CALD1: variants seen among roughly 807,000 people sequenced by gnomAD.
The protein encoded by CALD1 is caldesmon 1.
CALD1 carries 33 observed loss-of-function variants against 99.9 expected under a neutral mutation model. That is an observed-to-expected ratio of 0.33 (90% CI 0.25 to 0.44). The LOEUF is 0.44. Among genes scored for constraint, CALD1 ranks in the 20% least tolerant of loss-of-function variants. The pLI is 1.00. For missense variants in CALD1, 861 were observed against 962.1 expected, an observed-to-expected ratio of 0.89 and a Z score of 1.39; for synonymous variants, 310 against 325.0, an observed-to-expected ratio of 0.95 and a Z score of 0.50.
chr7:134,906,789 T>C (rs1309458412), intron 3 of CALD1, among the ~76,000 whole-genome samples: 2 of 152,186 alleles, frequency 1.3e-5, no homozygotes, highest in African/African-American at 4.8e-5. Flanking sequence ...TAGGGCCTCC[T>C]ATAGTCTCCT....
At chr7:134,949,788 T>C (rs977799083) in intron 8 of CALD1, among the ~76,000 whole-genome samples, 1 of 152,072 alleles carries the variant, frequency 6.6e-6, no homozygotes, top group African/African-American at 2.4e-5. Flanking sequence ...GAAATCATCA[T>C]AATGAGTGTT....
intron 2 of CALD1, among the ~76,000 whole-genome samples, chr7:134,856,769 A>G (rs938681320): frequency 6.6e-6 from 1 of 152,244 alleles, no homozygotes; most frequent in African/African-American, 2.4e-5. Context: ...AAATCAGAAT[A>G]TAAAATAGAG....
chr7:134,847,208 G>A (rs1464602104), intron 2 of CALD1, among the ~76,000 whole-genome samples: 1 of 152,192 alleles, frequency 6.6e-6, no homozygotes, highest in African/African-American at 2.4e-5. Flanking sequence ...GCTCCAGATG[G>A]AGTGGAAAGA....
At chr7:134,723,845 C>A in the CALD1 span, among the ~76,000 whole-genome samples, 1 of 152,076 alleles carries the variant, frequency 6.6e-6, no homozygotes, top group Admixed American at 6.5e-5. Context: ...GCCAGTTGGA[C>A]AAAATCATGT....
chr7:134,756,742 C>T (rs910094399), intron 1 of CALD1, among the ~76,000 whole-genome samples: 2 of 152,154 alleles, frequency 1.3e-5, no homozygotes, highest in African/African-American at 4.8e-5. Flanking sequence ...AAACTCATAA[C>T]TTGATTCATA....
intron 1 of CALD1, among the ~76,000 whole-genome samples, chr7:134,833,680 T>G (rs977898116): frequency 1.3e-5 from 2 of 152,220 alleles, no homozygotes; most frequent in Non-Finnish European, 2.9e-5. Context: ...TGCTATGTGA[T>G]CAGAGCTATG....
intron 3 of CALD1, among the ~76,000 whole-genome samples, chr7:134,887,872 CTGTA>C (rs1354377489): frequency 1.3e-5 from 2 of 151,254 alleles, no homozygotes; most frequent in African/African-American, 4.9e-5. Flanking sequence ...GCATGTGTGT[CTGTA>C]TGTGTGTGTA....
At chr7:134,833,036 T>C (rs991697719) in intron 1 of CALD1, among the ~76,000 whole-genome samples, 8 of 152,268 alleles carry the variant, frequency 5.3e-5, no homozygotes, top group Non-Finnish European at 1.2e-4. Flanking sequence ...TTTACACTTA[T>C]CAGCTCTATT....
the CALD1 span, among the ~76,000 whole-genome samples, chr7:134,715,889 G>A: frequency 1.3e-5 from 2 of 152,170 alleles, no homozygotes; most frequent in African/African-American, 4.8e-5. Context: ...GTTACTGGAT[G>A]TACTTCATGC....
intron 1 of CALD1, among the ~76,000 whole-genome samples, chr7:134,837,857 C>T (rs1412218193): frequency 6.6e-6 from 1 of 152,144 alleles, no homozygotes; most frequent in East Asian, 1.9e-4. Flanking sequence ...GTAGCTGATA[C>T]CTGTTAGTTA....
At chr7:134,947,425 A>T in intron 7 of CALD1, 83 bp from the exon 8 acceptor site, 2 of 1,386,528 alleles carry the variant, frequency 1.4e-6, no homozygotes, top group South Asian at 2.7e-5. Flanking sequence ...GGGGATGCAG[A>T]AGCCGCAGAC....
At chr7:134,909,519 C>T (rs1444003398) in intron 3 of CALD1, among the ~76,000 whole-genome samples, 1 of 152,120 alleles carries the variant, frequency 6.6e-6, no homozygotes, top group Non-Finnish European at 1.5e-5. Flanking sequence ...CCTGTCTCTA[C>T]TAAAAATACA....
rs551975384 is a variant in CALD1 at position 134,894,482 on chromosome 7, G to A, written c.71+26678G>A. Among the ~76,000 whole-genome samples the A allele has an allele frequency of 5.9e-5, 9 of 152,218 alleles. No individual in the cohort carries two copies. In the South Asian group the frequency reaches 8.3e-4, roughly 14 times the overall value. On this transcript the variant is annotated intron_variant, in intron 3 of 14. Coordinates refer to ENST00000361675, the MANE Select transcript of CALD1 (RefSeq NM_033138.4). ...TTAGTTTACCTTTTTCATTTGAACC[G>A]TTTGAACACACAAAGCCTTCACTCC...
chr7:134,912,145 C>T (rs187305727), intron 3 of CALD1, among the ~76,000 whole-genome samples: 4 of 152,284 alleles, frequency 2.6e-5, no homozygotes, highest in South Asian at 2.1e-4. Context: ...CTTTCTGGCA[C>T]GAGCACCTCC....
At chr7:134,842,641 T>A (rs913090946) in intron 1 of CALD1, among the ~76,000 whole-genome samples, 2 of 152,230 alleles carry the variant, frequency 1.3e-5, no homozygotes, top group Non-Finnish European at 2.9e-5. Context: ...TCTGTTGAAA[T>A]AAGTTATCAT....
intron 3 of CALD1, among the ~76,000 whole-genome samples, chr7:134,923,655 T>G (rs1029382534): frequency 1.3e-5 from 2 of 152,240 alleles, no homozygotes; most frequent in Admixed American, 6.5e-5. Context: ...AAATCAGAAA[T>G]GTCAACATTT....
chr7:134,854,435 G>A (rs971395113), intron 2 of CALD1, among the ~76,000 whole-genome samples: 2 of 152,164 alleles, frequency 1.3e-5, no homozygotes, highest in African/African-American at 4.8e-5. Flanking sequence ...TCATTGGGAT[G>A]ATGGTTGTAG....
At chr7:134,761,013 G>A (rs1443550620) in intron 1 of CALD1, among the ~76,000 whole-genome samples, 2 of 152,184 alleles carry the variant, frequency 1.3e-5, no homozygotes, top group African/African-American at 4.8e-5. Flanking sequence ...TAGAGAACAG[G>A]TCTGGGGATA....
intron 12 of CALD1, 62 bp downstream of exon 12, chr7:134,960,173 G>A (rs761779802): frequency 6.4e-7 from 1 of 1,568,022 alleles, no homozygotes; most frequent in Non-Finnish European, 8.8e-7. Context: ...TGTCGATTTT[G>A]ATTTAGGAAT....
Sources: allele counts gnomAD v4.1 joint callset (sites outside exome capture counted in the v4.1 genomes callset), GRCh38; gene constraint gnomAD v4.1.1; transcripts MANE v1.5; gene names NCBI Gene and HGNC (gene_info 2026-07-23, HGNC 2026-07-21).